Variants in SATB2 observed in about 807,000 individuals in gnomAD.
The protein encoded by SATB2 is SATB homeobox 2.
SATB2 carries 1 observed loss-of-function variant against 73.4 expected under a neutral mutation model. The ratio of observed to expected loss-of-function variants is 0.01; its 90% CI spans 0.00 to 0.06. SATB2 has a LOEUF of 0.06. Among genes scored for constraint, SATB2 ranks in the 10% least tolerant of loss-of-function variants. The pLI, the probability that SATB2 is intolerant of heterozygous loss-of-function variation, is 1.00. For synonymous variants in SATB2, 397 were observed against 367.0 expected, an observed-to-expected ratio of 1.08 and a Z score of -0.93; for missense variants, 459 against 945.8, an observed-to-expected ratio of 0.49 and a Z score of 6.75.
upstream of SATB2, chr2:199,458,574 C>G (rs1025173979): frequency 7.1e-6 from 3 of 424,994 alleles, no homozygotes; most frequent in African/African-American, 2.2e-5. Flanking sequence ...CTCGCCCAGC[C>G]CCTAGGCGCA....
At chr2:199,444,434 G>A (rs113572561) in intron 2 of SATB2, among the ~76,000 whole-genome samples, 190 of 152,198 alleles carry the variant, frequency 1.2e-3, no homozygotes, top group African/African-American at 4.4e-3. Context: ...ATTTTAAATT[G>A]GGAGTAATTC....
intron 10 of SATB2, among the ~76,000 whole-genome samples, chr2:199,296,197 T>TA (rs1669092132): frequency 6.6e-6 from 1 of 152,218 alleles, no homozygotes; most frequent in African/African-American, 2.4e-5. Context: ...ATAGTGTTGC[T>TA]AATTTGTTTT....
rs577931807 is a variant in SATB2 at position 199,430,369 on chromosome 2, ACCTCAGT to A, written c.346+2962_346+2968del. 2.9e-4 allele frequency among the ~76,000 whole-genome samples: 44 copies of A among 152,244 alleles called. No individual in the cohort carries two copies. In the South Asian group the frequency reaches 8.9e-3, roughly 31 times the overall value. On this transcript the variant is annotated intron_variant, in intron 3 of 10. Transcript: ENST00000417098. Reference sequence around the variant, plus strand: ...ATAAAGTATGCTTGCCATTCATTAGACCTCAGTCCAGCTATTCTGGTAGAAGCAAAGG... The same window carrying A: ...ATAAAGTATGCTTGCCATTCATTAGACCAGCTATTCTGGTAGAAGCAAAGG...
At chr2:199,381,508 T>C (rs902616301) in intron 4 of SATB2, among the ~76,000 whole-genome samples, 186 bp downstream of exon 4, 2 of 152,200 alleles carry the variant, frequency 1.3e-5, no homozygotes, top group African/African-American at 4.8e-5. Context: ...AGTTGGAATG[T>C]GACTATAAAG....
chr2:199,466,674 G>A (rs536687863), upstream of SATB2, among the ~76,000 whole-genome samples: 1 of 152,252 alleles, frequency 6.6e-6, no homozygotes, highest in East Asian at 1.9e-4. Context: ...GTCCCATCCT[G>A]GGCTACCAGC....
intron 5 of SATB2, among the ~76,000 whole-genome samples, chr2:199,378,681 C>T (rs957799586): frequency 6.6e-6 from 1 of 152,170 alleles, no homozygotes; most frequent in African/African-American, 2.4e-5. Context: ...CAAAGGCACA[C>T]ACACACACAT....
chr2:199,295,634 T>A (rs1693008453), intron 10 of SATB2, among the ~76,000 whole-genome samples: 1 of 152,214 alleles, frequency 6.6e-6, no homozygotes, highest in African/African-American at 2.4e-5. Flanking sequence ...ACAAGCCACA[T>A]ACTGCTTCCC....
At chr2:199,339,349 G>A (rs370438816) in intron 7 of SATB2, among the ~76,000 whole-genome samples, 15 of 152,286 alleles carry the variant, frequency 9.8e-5, no homozygotes, top group African/African-American at 2.6e-4. Flanking sequence ...ATTATAATCT[G>A]TAAATCTATG....
chr2:199,302,774 C>T (rs755376154), intron 10 of SATB2, among the ~76,000 whole-genome samples: 1 of 152,170 alleles, frequency 6.6e-6, no homozygotes, highest in Non-Finnish European at 1.5e-5. Flanking sequence ...GTTCACAAAT[C>T]AAGATACAGT....
intron 1 of SATB2, among the ~76,000 whole-genome samples, chr2:199,456,365 AG>A: frequency 6.6e-6 from 1 of 152,208 alleles, no homozygotes; most frequent in South Asian, 2.1e-4. Flanking sequence ...GTTGGCACCC[AG>A]GGGCGCCTAG....
rs115772868 is a variant in SATB2 at position 199,351,928 on chromosome 2, T to A, written c.701-2755A>T. ...CTCTGTTACCCAAGATGGAGTGAAG[T>A]GGTGTGATCTCCATTCACTGCAACC... On this transcript the variant is annotated intron_variant, in intron 6 of 10. Transcript: ENST00000417098. Among the ~76,000 whole-genome samples, 794 of 152,324 alleles carry A rather than the reference T, an allele frequency of 5.2e-3. 6 individuals are homozygous for A. Among genetic ancestry groups the A allele is most frequent in the African/African-American group, 0.018 (736 of 41,576 alleles).
chr2:199,343,731 C>G (rs1488626092), intron 7 of SATB2, among the ~76,000 whole-genome samples: 2 of 152,180 alleles, frequency 1.3e-5, no homozygotes, highest in East Asian at 1.9e-4. Flanking sequence ...AAAGGAAATA[C>G]TCATACATTC....
chr2:199,399,846 C>T (rs1017887858), intron 3 of SATB2, among the ~76,000 whole-genome samples: 15 of 152,128 alleles, frequency 9.9e-5, no homozygotes, highest in African/African-American at 3.6e-4. Flanking sequence ...CCTACCAGGC[C>T]CCACCTCCAA....
chr2:199,365,489 A>G (rs1689256862), intron 6 of SATB2, among the ~76,000 whole-genome samples: 3 of 152,146 alleles, frequency 2.0e-5, no homozygotes, highest in Non-Finnish European at 2.9e-5. Context: ...TGTGTCAACC[A>G]TGATTGTCTT....
upstream of SATB2, among the ~76,000 whole-genome samples, chr2:199,465,400 C>T (rs1371549953): frequency 6.6e-6 from 1 of 152,158 alleles, no homozygotes; most frequent in African/African-American, 2.4e-5. Flanking sequence ...GCAGTGTTTC[C>T]CTAATAGTTT....
intron 3 of SATB2, among the ~76,000 whole-genome samples, chr2:199,413,605 T>C (rs1296309664): frequency 7.0e-6 from 1 of 142,284 alleles, no homozygotes; most frequent in Non-Finnish European, 1.5e-5. Context: ...CTGAGCAGCA[T>C]TGTGTCAAAT....
At chr2:199,334,843 G>C (rs568264332) in intron 7 of SATB2, among the ~76,000 whole-genome samples, 1 of 152,114 alleles carries the variant, frequency 6.6e-6, no homozygotes, top group Non-Finnish European at 1.5e-5. Flanking sequence ...CTACCTGAAA[G>C]CTGACCCAAC....
At chr2:199,402,348 G>A (rs1690508062) in intron 3 of SATB2, among the ~76,000 whole-genome samples, 1 of 151,986 alleles carries the variant, frequency 6.6e-6, no homozygotes, top group Non-Finnish European at 1.5e-5. Context: ...TCACGCCACT[G>A]CACTCCAGCC....
intron 10 of SATB2, among the ~76,000 whole-genome samples, chr2:199,279,839 T>G (rs1692428319): frequency 6.6e-6 from 1 of 152,202 alleles, no homozygotes; most frequent in Admixed American, 6.5e-5. Flanking sequence ...TACTAAAAGT[T>G]CCAAGAAAAA....
Sources: gnomAD v4.1 joint callset for allele counts (sites outside exome capture counted in the v4.1 genomes callset) on GRCh38, gnomAD v4.1.1 for gene constraint, MANE v1.5 for transcripts, NCBI Gene and HGNC (gene_info 2026-07-23, HGNC 2026-07-21) for gene names.